SLIT1: variants seen among roughly 807,000 people sequenced by gnomAD.
SLIT1 encodes slit guidance ligand 1, also known as slit homolog 1 protein.
A neutral mutation model predicts 186.1 loss-of-function variants in SLIT1; 66 were observed. The ratio of observed to expected loss-of-function variants is 0.35; its 90% CI spans 0.29 to 0.44. The LOEUF is 0.44. SLIT1 is among the 20% of genes least tolerant of loss of function. SLIT1 has a pLI of 1.00. For missense variants in SLIT1, 1,638 were observed against 2,037.4 expected (o/e 0.80, Z 3.77); for synonymous variants, 761 against 833.8 (o/e 0.91, Z 1.50).
At chr10:97,096,178 C>G (rs1253940547) in intron 4 of SLIT1, among the ~76,000 whole-genome samples, 1 of 152,184 alleles carries the variant, frequency 6.6e-6, no homozygotes, top group Non-Finnish European at 1.5e-5. Flanking sequence ...CAGCCAGCTG[C>G]GGCCCGAGCT....
intron 1 of SLIT1, among the ~76,000 whole-genome samples, chr10:97,179,556 T>C (rs1233717408): frequency 2.0e-5 from 3 of 152,200 alleles, no homozygotes; most frequent in Non-Finnish European, 2.9e-5. Flanking sequence ...GAAGCCAGGA[T>C]TCAAACTGGG....
chr10:97,127,394 C>T (rs189087425), intron 4 of SLIT1, among the ~76,000 whole-genome samples: 106 of 152,322 alleles, frequency 7.0e-4, no homozygotes, highest in Non-Finnish European at 1.2e-3. Flanking sequence ...GAGAAAAGGG[C>T]TCTTCCAGCC....
rs889468814 is a variant in SLIT1, at chr10:97,185,773, C to G, written c.-99G>C. 96 of 1,093,294 alleles carry G rather than the reference C, an allele frequency of 8.8e-5. No homozygotes were observed. Among genetic ancestry groups the G allele is most frequent in the Non-Finnish European group, 1.1e-4 (88 of 818,258 alleles). The allele number at this position is 1,093,294 out of a possible 1,614,324, so 67.7% of individuals were successfully genotyped here. The stretch of plus-strand genomic sequence containing the variant: ...AGGTGCAGTCCCGGGGCAGAGCCAC[C>G]GAAGAGCCCGCGGGCTTGCGCGCGG... On this transcript the variant is annotated 5_prime_UTR_variant, in exon 1 of 37. Coordinates refer to ENST00000266058, the MANE Select transcript of SLIT1 (RefSeq NM_003061.3).
At chr10:97,116,169 G>A (rs1849508243) in intron 4 of SLIT1, among the ~76,000 whole-genome samples, 2 of 152,184 alleles carry the variant, frequency 1.3e-5, no homozygotes, top group South Asian at 2.1e-4. Context: ...GGCAGCCTGG[G>A]TCAGACAGGT....
chr10:97,138,746 G>A (rs1253613492), intron 4 of SLIT1, among the ~76,000 whole-genome samples: 2 of 152,166 alleles, frequency 1.3e-5, no homozygotes, highest in African/African-American at 2.4e-5. Context: ...AGGAAGATGA[G>A]GAAGGCGATT....
intron 4 of SLIT1, among the ~76,000 whole-genome samples, chr10:97,110,859 T>G (rs1849457913): frequency 6.6e-6 from 1 of 152,222 alleles, no homozygotes; most frequent in Admixed American, 6.5e-5. Context: ...TCAAGACACA[T>G]TCTAAATTTT....
chr10:97,087,727 G>C (rs1849180637), intron 4 of SLIT1, among the ~76,000 whole-genome samples: 1 of 152,092 alleles, frequency 6.6e-6, no homozygotes, highest in South Asian at 2.1e-4. Context: ...ATTCCAGCCT[G>C]GGGAGCCCGA....
chr10:97,081,918 TG>T (rs1204157001), intron 4 of SLIT1, among the ~76,000 whole-genome samples: 2 of 152,218 alleles, frequency 1.3e-5, no homozygotes, highest in Admixed American at 1.3e-4. Context: ...CTGACCCATC[TG>T]GCCCACACAT....
chr10:97,021,849 C>A lies in SLIT1; in HGVS notation c.2583-436G>T, dbSNP rs553661375. Among the ~76,000 whole-genome samples, 1 of 152,326 alleles carries A rather than the reference C, an allele frequency of 6.6e-6. No individual in the cohort carries two copies. Among genetic ancestry groups the A allele is most frequent in the South Asian group, 2.1e-4 (1 of 4,822 alleles). On this transcript the variant is annotated intron_variant, in intron 25 of 36. Coordinates refer to ENST00000266058, the MANE Select transcript of SLIT1 (RefSeq NM_003061.3). The surrounding 1 kb of genome is among the most constrained non-coding windows in gnomAD (Gnocchi z 4.5). ...AAGTGCTGGGATTACAGGCGTGAGC[C>A]ACCGTGCCTGGCTGCCAGTGCTGTT...
chr10:97,005,357 C>A (rs899224498), intron 32 of SLIT1, among the ~76,000 whole-genome samples: 1 of 152,222 alleles, frequency 6.6e-6, no homozygotes, highest in Admixed American at 6.5e-5. Flanking sequence ...AGGGAGATCC[C>A]TCTAAGATGC....
intron 1 of SLIT1, among the ~76,000 whole-genome samples, chr10:97,169,643 C>T (rs1174426291): frequency 6.6e-6 from 1 of 152,186 alleles, no homozygotes; most frequent in Non-Finnish European, 1.5e-5. Flanking sequence ...GTCCCAGCCT[C>T]GAGTGTCAGG....
At chr10:97,160,342 C>A (rs1346009047) in intron 3 of SLIT1, among the ~76,000 whole-genome samples, 1 of 152,174 alleles carries the variant, frequency 6.6e-6, no homozygotes, top group African/African-American at 2.4e-5. Flanking sequence ...AGAGTCATCT[C>A]TATGAAAACT....
intron 25 of SLIT1, among the ~76,000 whole-genome samples, chr10:97,023,055 T>C (rs904528621): frequency 7.0e-6 from 1 of 142,826 alleles, no homozygotes; most frequent in African/African-American, 2.5e-5. Flanking sequence ...TACGTGCCTC[T>C]TTTTTTTTTT....
At chr10:97,014,183 G>C (rs748525894) in intron 28 of SLIT1, 25 bp from the exon 29 acceptor site, 3 of 1,611,490 alleles carry the variant, frequency 1.9e-6, no homozygotes, top group South Asian at 2.2e-5. Flanking sequence ...GGAGGATGGA[G>C]AGACAGCCCT....
intron 4 of SLIT1, among the ~76,000 whole-genome samples, chr10:97,099,665 T>C (rs1248140971): frequency 1.3e-5 from 2 of 152,136 alleles, no homozygotes; most frequent in East Asian, 1.9e-4. Flanking sequence ...CTTTCACTTA[T>C]CCTTTTCGAG....
At chr10:97,100,259 C>T (rs1295032143) in intron 4 of SLIT1, among the ~76,000 whole-genome samples, 3 of 152,108 alleles carry the variant, frequency 2.0e-5, no homozygotes, top group Admixed American at 1.3e-4. Flanking sequence ...CCATCAGCCC[C>T]GCAGGGAAGG....
chr10:97,038,225 A>G (rs947730272), intron 21 of SLIT1, among the ~76,000 whole-genome samples: 26 of 151,808 alleles, frequency 1.7e-4, no homozygotes, highest in African/African-American at 6.3e-4. Context: ...CCCTCATTCC[A>G]TCAGCACCCC....
intron 4 of SLIT1, among the ~76,000 whole-genome samples, chr10:97,099,437 A>G (rs919512056): frequency 6.6e-6 from 1 of 151,084 alleles, no homozygotes; most frequent in African/African-American, 2.4e-5. Context: ...GCACAAAGAG[A>G]AAAAGACTCC....
intron 4 of SLIT1, among the ~76,000 whole-genome samples, chr10:97,099,326 C>T (rs1049010725): frequency 1.3e-5 from 2 of 152,198 alleles, no homozygotes; most frequent in Non-Finnish European, 2.9e-5. Context: ...ACAGGCACCA[C>T]CGCACCAGGC....
Sources: allele counts gnomAD v4.1 joint callset (sites outside exome capture counted in the v4.1 genomes callset), GRCh38; gene constraint gnomAD v4.1.1; non-coding constraint Gnocchi (gnomAD v3.1); transcripts MANE v1.5; gene names NCBI Gene and HGNC (gene_info 2026-07-23, HGNC 2026-07-21).